Variants in TTLL11 observed in about 807,000 individuals in gnomAD.
TTLL11 encodes tubulin tyrosine ligase like 11, also known as tubulin polyglutamylase TTLL11.
In TTLL11, 42 loss-of-function variants were observed where a neutral mutation model predicts 51.7. The observed-to-expected ratio is 0.81, with a 90% CI of 0.64 to 1.05. The LOEUF is 1.05. Among genes scored for constraint, TTLL11 ranks in the 50% least tolerant of loss-of-function variants. TTLL11 has a pLI of 0.00. For synonymous variants in TTLL11, 381 were observed against 383.5 expected (o/e 0.99, Z 0.08); for missense variants, 799 against 940.4 (o/e 0.85, Z 1.97).
In TTLL11 at chr9:121,870,926, G is replaced by A. The variant is rs78863928; in HGVS notation, c.1482-178C>T. The stretch of plus-strand genomic sequence containing the variant: ...CACAGCTAGCACATAGCCAAGCCAG[G>A]ACATGAAACCAAGGCAGAGCCACGG... On this transcript the variant is annotated intron_variant, in intron 6 of 8. Coordinates refer to ENST00000321582, the MANE Select transcript of TTLL11 (RefSeq NM_001139442.2). 1.8e-3 allele frequency among the ~76,000 whole-genome samples: 269 copies of A among 152,218 alleles called. 3 individuals carry two copies. The East Asian group carries it at 0.03, about 17-fold the overall frequency.
chr9:121,840,086 T>C (rs1000453387), intron 8 of TTLL11, among the ~76,000 whole-genome samples: 1 of 149,154 alleles, frequency 6.7e-6, no homozygotes, highest in Non-Finnish European at 1.5e-5. Flanking sequence ...GCACTGGAGC[T>C]GCATCGAATC....
At chr9:122,015,519 C>T (rs1311102266) in intron 3 of TTLL11, among the ~76,000 whole-genome samples, 1 of 152,156 alleles carries the variant, frequency 6.6e-6, no homozygotes, top group African/African-American at 2.4e-5. Context: ...AGGGCCACTG[C>T]ATCGGCCTCC....
chr9:122,002,185 G>T (rs893933141), intron 3 of TTLL11, among the ~76,000 whole-genome samples: 2 of 152,214 alleles, frequency 1.3e-5, no homozygotes, highest in Admixed American at 6.5e-5. Flanking sequence ...CCTGCTTCCT[G>T]ACCTCTGGCC....
intron 3 of TTLL11, among the ~76,000 whole-genome samples, chr9:122,001,781 A>G (rs1044644473): frequency 6.6e-6 from 1 of 152,182 alleles, no homozygotes. Flanking sequence ...AGGGCAGCCA[A>G]ATGCCTGCCC....
At chr9:121,938,293 AG>A (rs1841307869) in intron 6 of TTLL11, among the ~76,000 whole-genome samples, 1 of 151,236 alleles carries the variant, frequency 6.6e-6, no homozygotes, top group Admixed American at 6.6e-5. Context: ...TGTCTCAAAA[AG>A]AAAAAAAAAA....
chr9:121,836,891 C>T (rs143463399), intron 8 of TTLL11, among the ~76,000 whole-genome samples: 6 of 152,308 alleles, frequency 3.9e-5, no homozygotes, highest in Admixed American at 6.5e-5. Context: ...CTCTGCCTTG[C>T]GACCTCCAAT....
chr9:122,041,895 AC>A (rs1844853689), intron 1 of TTLL11, among the ~76,000 whole-genome samples: 1 of 151,970 alleles, frequency 6.6e-6, no homozygotes, highest in African/African-American at 2.4e-5. Flanking sequence ...AATCCCAATA[AC>A]TTTTTTTCAA....
intron 6 of TTLL11, among the ~76,000 whole-genome samples, chr9:121,944,328 C>T (rs1420575839): frequency 3.3e-5 from 5 of 152,026 alleles, no homozygotes; most frequent in African/African-American, 7.2e-5. Context: ...GCCAACATGA[C>T]GAATCCCCGC....
At chr9:121,826,994 C>A (rs1836830671) in intron 8 of TTLL11, among the ~76,000 whole-genome samples, 1 of 151,984 alleles carries the variant, frequency 6.6e-6, no homozygotes. Flanking sequence ...CACTGTGGGG[C>A]TGGGGTCAAT....
intron 7 of TTLL11, among the ~76,000 whole-genome samples, chr9:121,867,481 C>T (rs1838214135): frequency 6.6e-6 from 1 of 152,110 alleles, no homozygotes; most frequent in African/African-American, 2.4e-5. Context: ...TTCAAATCTC[C>T]CCCTCTCTCG....
chr9:122,020,360 A>T (rs1844132945), intron 3 of TTLL11, among the ~76,000 whole-genome samples: 1 of 152,050 alleles, frequency 6.6e-6, no homozygotes, highest in African/African-American at 2.4e-5. Flanking sequence ...GCTCCCCATC[A>T]CCAACAAAGT....
rs144043217 is a variant in TTLL11, at chr9:121,855,047, G to A, written c.1840+5290C>T. Among the ~76,000 whole-genome samples the A allele has an allele frequency of 8.9e-4, 135 of 152,316 alleles. 3 individuals carry two copies. In the East Asian group the frequency reaches 0.022, roughly 25 times the overall value. On this transcript the variant is annotated intron_variant, in intron 8 of 8. Coordinates refer to ENST00000321582, the MANE Select transcript of TTLL11 (RefSeq NM_001139442.2). ...GACAGAGGTGAAGGCAAGCCCATTTGGGGAATGATGAACCCAGGGTGCAGA... is the reference window on the plus strand; with the variant it reads ...GACAGAGGTGAAGGCAAGCCCATTTAGGGAATGATGAACCCAGGGTGCAGA...
At chr9:121,868,676 C>T (rs566936208) in intron 7 of TTLL11, among the ~76,000 whole-genome samples, 1 of 152,254 alleles carries the variant, frequency 6.6e-6, no homozygotes, top group South Asian at 2.1e-4. Flanking sequence ...GCTCTAGAAC[C>T]CCCACTGCAA....
At chr9:121,944,786 G>A (rs948000137) in intron 6 of TTLL11, among the ~76,000 whole-genome samples, 3 of 152,134 alleles carry the variant, frequency 2.0e-5, no homozygotes, top group Non-Finnish European at 2.9e-5. Flanking sequence ...TGTGACTTTA[G>A]GCAGTGACTC....
chr9:121,874,326 A>C, intron 6 of TTLL11, among the ~76,000 whole-genome samples: 1 of 152,196 alleles, frequency 6.6e-6, no homozygotes, highest in African/African-American at 2.4e-5. Flanking sequence ...AATATACATC[A>C]TAATTCACAT....
chr9:122,079,570 G>A (rs937578274), intron 1 of TTLL11, among the ~76,000 whole-genome samples: 14 of 151,964 alleles, frequency 9.2e-5, no homozygotes, highest in East Asian at 5.8e-4. Flanking sequence ...TTAGCTGGGC[G>A]TGGTGGCGGG....
intron 3 of TTLL11, among the ~76,000 whole-genome samples, chr9:122,021,030 C>T (rs889762686): frequency 2.6e-5 from 4 of 152,190 alleles, no homozygotes; most frequent in African/African-American, 9.6e-5. Flanking sequence ...TAGAGAACTT[C>T]CACTTTCAGC....
At chr9:121,978,409 C>A (rs971296702) in intron 4 of TTLL11, among the ~76,000 whole-genome samples, 2 of 152,054 alleles carry the variant, frequency 1.3e-5, no homozygotes. Context: ...CAAATTTGAC[C>A]TTTTACCTAT....
chr9:122,066,293 T>C (rs2131882806), intron 1 of TTLL11, among the ~76,000 whole-genome samples: 1 of 151,944 alleles, frequency 6.6e-6, no homozygotes, highest in Non-Finnish European at 1.5e-5. Context: ...GTCATCCAAT[T>C]TAAAAAGTGC....
Sources: allele counts gnomAD v4.1 joint callset (sites outside exome capture counted in the v4.1 genomes callset), GRCh38; gene constraint gnomAD v4.1.1; transcripts MANE v1.5; gene names NCBI Gene and HGNC (gene_info 2026-07-23, HGNC 2026-07-21).